Variants in SOX5 observed in about 807,000 individuals in gnomAD.
The protein encoded by SOX5 is SRY-box transcription factor 5.
A neutral mutation model predicts 92.0 loss-of-function variants in SOX5; 9 were observed. That is an observed-to-expected ratio of 0.10 (90% confidence interval 0.06 to 0.17). The LOEUF (loss-of-function observed/expected upper bound fraction) is 0.17. SOX5 is among the 10% of genes least tolerant of loss of function. The pLI, the probability that SOX5 is intolerant of heterozygous loss-of-function variation, is 1.00. For synonymous variants in SOX5, 344 were observed against 336.3 expected (o/e 1.02, Z -0.25); for missense variants, 642 against 944.5 (o/e 0.68, Z 4.20).
chr12:24,281,620 T>C (rs540798790), intron 2 of SOX5, among the ~76,000 whole-genome samples: 1 of 152,352 alleles, frequency 6.6e-6, no homozygotes, highest in East Asian at 1.9e-4. Context: ...CCTGGTAGCT[T>C]TTGTTTTAGC....
intron 4 of SOX5, among the ~76,000 whole-genome samples, chr12:24,117,024 C>T (rs375156919): frequency 1.4e-5 from 2 of 147,470 alleles, no homozygotes; most frequent in Admixed American, 6.7e-5. Flanking sequence ...ATGGAGAGAC[C>T]GCCCACGAGT....
At chr12:24,354,399 C>T (rs902002085) in intron 2 of SOX5, among the ~76,000 whole-genome samples, 1 of 152,230 alleles carries the variant, frequency 6.6e-6, no homozygotes, top group East Asian at 1.9e-4. Flanking sequence ...TAAGGGAGAT[C>T]ATATGGGGCC....
intron 6 of SOX5, among the ~76,000 whole-genome samples, chr12:23,697,181 AC>A (rs1448324569): frequency 1.3e-5 from 2 of 152,164 alleles, no homozygotes; most frequent in African/African-American, 4.8e-5. Flanking sequence ...GAAATATCCA[AC>A]TGTAATTGTA....
chr12:23,966,017 C>T (rs1450083340), intron 4 of SOX5, among the ~76,000 whole-genome samples: 2 of 151,936 alleles, frequency 1.3e-5, no homozygotes, highest in African/African-American at 4.8e-5. Context: ...CTGTCCATTG[C>T]TTAATGCAGG....
chr12:24,187,215 A>G (rs1956101159), intron 4 of SOX5, among the ~76,000 whole-genome samples: 1 of 152,188 alleles, frequency 6.6e-6, no homozygotes, highest in Non-Finnish European at 1.5e-5. Flanking sequence ...GAAAGATGTA[A>G]TAGTGTCATA....
At chr12:24,237,276 T>A (rs1594665012) in intron 3 of SOX5, among the ~76,000 whole-genome samples, 1 of 152,288 alleles carries the variant, frequency 6.6e-6, no homozygotes, top group Non-Finnish European at 1.5e-5. Flanking sequence ...ATGCCCTGAG[T>A]CCTGCTCTTC....
chr12:23,744,092 CATG>C (rs1425027528), intron 4 of SOX5, among the ~76,000 whole-genome samples: 1 of 152,286 alleles, frequency 6.6e-6, no homozygotes, highest in East Asian at 1.9e-4. Flanking sequence ...ACTTCCTAGA[CATG>C]ATTTCATTCT....
chr12:24,445,536 A>G (rs1941340153), intron 1 of SOX5, among the ~76,000 whole-genome samples: 1 of 152,240 alleles, frequency 6.6e-6, no homozygotes, highest in African/African-American at 2.4e-5. Flanking sequence ...TAACGCAAGG[A>G]ATACATAATT....
At chr12:23,950,878 C>A (rs1358657229), upstream of SOX5, 11 of 1,535,120 alleles carry the variant, frequency 7.2e-6, no homozygotes, top group East Asian at 2.4e-4. Context: ...CACAGACATG[C>A]ATGCAGAGAT....
chr12:23,797,535 A>C (rs2095586748), intron 3 of SOX5, among the ~76,000 whole-genome samples: 1 of 151,998 alleles, frequency 6.6e-6, no homozygotes, highest in East Asian at 1.9e-4. Flanking sequence ...AAAGAAAAAA[A>C]TCCATATCCT....
At chr12:23,856,418 A>C (rs1700816540) in intron 2 of SOX5, among the ~76,000 whole-genome samples, 1 of 152,138 alleles carries the variant, frequency 6.6e-6, no homozygotes, top group South Asian at 2.1e-4. Flanking sequence ...GGAGTTCTTA[A>C]AGGCACTGTT....
Position 24,393,111 on chromosome 12 carries a change from T to C in SOX5, c.-250-24472A>G, listed in dbSNP as rs1959166886. Among the ~76,000 whole-genome samples the C allele has an allele frequency of 6.6e-6, 1 of 152,016 alleles. No individual in the cohort carries two copies. Among genetic ancestry groups the C allele is most frequent in the Non-Finnish European group, 1.5e-5 (1 of 68,006 alleles). On this transcript the variant is annotated intron_variant, in intron 1 of 4. Coordinates refer to the SOX5 transcript ENST00000446891. The surrounding 1 kb of genome is among the most constrained non-coding windows in gnomAD (Gnocchi z 5.0). The stretch of plus-strand genomic sequence containing the variant: ...TCAACCACCACTCTCCCAATTATAA[T>C]AAATGAATAAAGTAGATTGAAGCTA...
chr12:24,347,549 G>A (rs1953461157), intron 2 of SOX5, among the ~76,000 whole-genome samples: 1 of 152,022 alleles, frequency 6.6e-6, no homozygotes. Context: ...AGAATTTCTT[G>A]AAATCAGAGT....
At chr12:24,124,836 A>G (rs71450413) in intron 4 of SOX5, among the ~76,000 whole-genome samples, 2 of 152,204 alleles carry the variant, frequency 1.3e-5, no homozygotes, top group African/African-American at 4.8e-5. Context: ...ATGAAGAATA[A>G]CCATAAATAC....
chr12:23,648,564 GA>G (rs1207216316), intron 7 of SOX5, among the ~76,000 whole-genome samples: 2 of 152,110 alleles, frequency 1.3e-5, no homozygotes, highest in Non-Finnish European at 2.9e-5. Flanking sequence ...AACAGATTAG[GA>G]CACAAACAAA....
chr12:23,868,237 C>T (rs555619555), intron 2 of SOX5, among the ~76,000 whole-genome samples: 8 of 152,166 alleles, frequency 5.3e-5, no homozygotes, highest in Admixed American at 2.6e-4. Flanking sequence ...TTCTATTTCA[C>T]GGCTCCACTT....
intron 6 of SOX5, among the ~76,000 whole-genome samples, chr12:23,695,664 G>C (rs919444113): frequency 1.3e-5 from 2 of 151,898 alleles, no homozygotes; most frequent in Non-Finnish European, 2.9e-5. Flanking sequence ...AATATGGGCC[G>C]GGCGCAGTGG....
chr12:23,552,983 G>C (rs1321995508), intron 11 of SOX5, among the ~76,000 whole-genome samples: 1 of 151,960 alleles, frequency 6.6e-6, no homozygotes, highest in Non-Finnish European at 1.5e-5. Context: ...AGATGTGCAA[G>C]ATATTTAAAG....
chr12:24,105,645 G>C (rs925086952), intron 4 of SOX5, among the ~76,000 whole-genome samples: 2 of 152,088 alleles, frequency 1.3e-5, no homozygotes, highest in Non-Finnish European at 2.9e-5. Flanking sequence ...AATATATTGT[G>C]AAATATAATA....
Sources: allele counts gnomAD v4.1 joint callset (sites outside exome capture counted in the v4.1 genomes callset), GRCh38; gene constraint gnomAD v4.1.1; non-coding constraint Gnocchi (gnomAD v3.1); transcripts MANE v1.5; gene names NCBI Gene and HGNC (gene_info 2026-07-23, HGNC 2026-07-21).